The following POU6F2 variants were observed in gnomAD, a reference collection of about 807,000 sequenced individuals.
The protein encoded by POU6F2 is POU class 6 homeobox 2.
POU6F2 carries 31 observed loss-of-function variants against 71.3 expected under a neutral mutation model. That is an observed-to-expected ratio of 0.43 (90% confidence interval 0.33 to 0.59). The LOEUF (loss-of-function observed/expected upper bound fraction) is 0.59, where lower values mean the gene tolerates loss of function less well. POU6F2 is among the 20% of genes least tolerant of loss of function. The pLI, the probability that POU6F2 is intolerant of heterozygous loss-of-function variation, is 0.04. For synonymous variants in POU6F2, 347 were observed against 355.7 expected (o/e 0.98, Z 0.27); for missense variants, 783 against 856.8 (o/e 0.91, Z 1.07).
intron 4 of POU6F2, among the ~76,000 whole-genome samples, chr7:39,326,558 A>C (rs1318347838): frequency 6.6e-6 from 1 of 152,232 alleles, no homozygotes; most frequent in East Asian, 1.9e-4. Context: ...GAATCTATCC[A>C]CCAGAATTAA....
intron 2 of POU6F2, among the ~76,000 whole-genome samples, chr7:39,167,164 G>C (rs774798894): frequency 6.6e-6 from 1 of 151,666 alleles, no homozygotes; most frequent in Non-Finnish European, 1.5e-5. Flanking sequence ...TATCTATAAG[G>C]TATATTATAT....
At chr7:39,370,226 A>G (rs1786581630) in intron 5 of POU6F2, among the ~76,000 whole-genome samples, 1 of 152,208 alleles carries the variant, frequency 6.6e-6, no homozygotes. Context: ...GTGTAAATGA[A>G]AGGAAACCTA....
At chr7:39,461,656 A>G (rs1218421420) in intron 9 of POU6F2, among the ~76,000 whole-genome samples, 1 of 152,224 alleles carries the variant, frequency 6.6e-6, no homozygotes, top group Non-Finnish European at 1.5e-5. Flanking sequence ...TTTAAGACTA[A>G]GGTTATAAAT....
chr7:39,394,553 T>A (rs866442235), intron 5 of POU6F2, among the ~76,000 whole-genome samples: 50 of 152,166 alleles, frequency 3.3e-4, no homozygotes, highest in African/African-American at 1.1e-3. Flanking sequence ...TCTCCCACCT[T>A]CTTTCTCTGC....
intron 5 of POU6F2, among the ~76,000 whole-genome samples, chr7:39,379,954 G>C (rs936841734): frequency 1.3e-5 from 2 of 152,100 alleles, no homozygotes; most frequent in African/African-American, 4.8e-5. Flanking sequence ...TTCAAGCAGG[G>C]AAATGTATTT....
chr7:39,298,449 A>G (rs904254718), intron 4 of POU6F2, among the ~76,000 whole-genome samples: 3 of 152,196 alleles, frequency 2.0e-5, no homozygotes, highest in Non-Finnish European at 4.4e-5. Flanking sequence ...GCAAATCAAA[A>G]CCACAAGATA....
At chr7:39,178,159 C>G (rs1276583960) in intron 2 of POU6F2, among the ~76,000 whole-genome samples, 1 of 152,106 alleles carries the variant, frequency 6.6e-6, no homozygotes, top group Non-Finnish European at 1.5e-5. Context: ...GAGGCTGAGG[C>G]AGGAGAATTG....
chr7:39,140,828 G>T (rs949695752), intron 2 of POU6F2, among the ~76,000 whole-genome samples: 2 of 152,156 alleles, frequency 1.3e-5, no homozygotes, highest in Admixed American at 1.3e-4. Flanking sequence ...CCTTGCTCAG[G>T]TATTTGGAAT....
chr7:39,136,050 T>C (rs1792382323), intron 2 of POU6F2, among the ~76,000 whole-genome samples: 1 of 152,176 alleles, frequency 6.6e-6, no homozygotes, highest in Non-Finnish European at 1.5e-5. Flanking sequence ...GTGACACCTA[T>C]ATGAAGAAAA....
intron 4 of POU6F2, among the ~76,000 whole-genome samples, chr7:39,255,136 A>G (rs1285923389): frequency 1.3e-5 from 2 of 152,214 alleles, no homozygotes; most frequent in East Asian, 3.8e-4. Context: ...AGTTTGAAGC[A>G]TTCCTAAAAC....
At chr7:39,276,824 T>G (rs1784449301) in intron 4 of POU6F2, among the ~76,000 whole-genome samples, 1 of 151,306 alleles carries the variant, frequency 6.6e-6, no homozygotes, top group Admixed American at 6.6e-5. Context: ...ACACCGCATG[T>G]TCTCAGTCAT....
chr7:39,273,036 C>T (rs1419435737), intron 4 of POU6F2, among the ~76,000 whole-genome samples: 1 of 152,040 alleles, frequency 6.6e-6, no homozygotes, highest in Non-Finnish European at 1.5e-5. Context: ...TGATATTTTG[C>T]AGGATACTAG....
At chr7:39,217,391 C>A (rs1794266813) in intron 4 of POU6F2, among the ~76,000 whole-genome samples, 1 of 152,104 alleles carries the variant, frequency 6.6e-6, no homozygotes, top group South Asian at 2.1e-4. Flanking sequence ...TTGAGGAAGA[C>A]AAGTAGGTGG....
At chr7:39,015,883 ATT>A (rs1359822520) in intron 1 of POU6F2, among the ~76,000 whole-genome samples, 2,469 of 43,978 alleles carry the variant, frequency 0.056, 400 homozygotes, top group Non-Finnish European at 0.073. Context: ...ATAGATATAT[ATT>A]ATATATTATA....
chr7:39,011,657 G>T, intron 1 of POU6F2, among the ~76,000 whole-genome samples: 1 of 150,514 alleles, frequency 6.6e-6, no homozygotes, highest in East Asian at 1.9e-4. Context: ...TGCAGCGGCT[G>T]GTACCGGTTG....
intron 2 of POU6F2, among the ~76,000 whole-genome samples, chr7:39,186,288 C>T (rs932808522): frequency 4.6e-5 from 7 of 152,130 alleles, no homozygotes; most frequent in Non-Finnish European, 7.3e-5. Flanking sequence ...CTGAGAGCTA[C>T]TGGGAATGGA....
At chr7:39,027,091 C>T (rs532347010) in intron 1 of POU6F2, among the ~76,000 whole-genome samples, 35 of 152,196 alleles carry the variant, frequency 2.3e-4, no homozygotes, top group African/African-American at 7.9e-4. Context: ...TAGTAAAAGA[C>T]ATAAGCAATT....
In POU6F2 at chr7:39,135,716, A is replaced by G. The variant is rs568775049; in HGVS notation, c.277+49685A>G. 2.6e-5 allele frequency among the ~76,000 whole-genome samples: 4 copies of G among 152,328 alleles called. No homozygotes were observed. In the South Asian group the frequency reaches 8.3e-4, roughly 32 times the overall value. ...TTTCATTGTGAAGGTATTTCCATTT[A>G]AAGCAGAGAAAAGAAATGAATTCTC... is the stretch of plus-strand genomic sequence containing the variant. On this transcript the variant is annotated intron_variant, in intron 2 of 9. Coordinates refer to ENST00000518318, the MANE Select transcript of POU6F2 (RefSeq NM_001370959.1).
intron 2 of POU6F2, among the ~76,000 whole-genome samples, chr7:39,199,057 G>T (rs1793842707): frequency 6.6e-6 from 1 of 152,176 alleles, no homozygotes; most frequent in Admixed American, 6.5e-5. Context: ...ACCTTCATGT[G>T]ATTATGTTTG....
Sources: allele counts gnomAD v4.1 joint callset (sites outside exome capture counted in the v4.1 genomes callset), GRCh38; gene constraint gnomAD v4.1.1; transcripts MANE v1.5; gene names NCBI Gene and HGNC (gene_info 2026-07-23, HGNC 2026-07-21).